The following DLC1 variants were observed in gnomAD, a reference collection of about 807,000 sequenced individuals.
DLC1 encodes DLC1 Rho GTPase activating protein, also known as rho GTPase-activating protein 7.
A neutral mutation model predicts 140.3 loss-of-function variants in DLC1; 54 were observed. The ratio of observed to expected loss-of-function variants is 0.38; its 90% CI spans 0.31 to 0.48. The LOEUF is 0.48. Among genes scored for constraint, DLC1 ranks in the 20% least tolerant of loss-of-function variants. The pLI is 0.96. For synonymous variants in DLC1, 986 were observed against 728.1 expected, an observed-to-expected ratio of 1.35 and a Z score of -5.70; for missense variants, 2,536 against 1,907.0, an observed-to-expected ratio of 1.33 and a Z score of -6.14.
chr8:13,443,875 A>C (rs1292931976), intron 2 of DLC1, among the ~76,000 whole-genome samples: 2 of 152,038 alleles, frequency 1.3e-5, no homozygotes, highest in South Asian at 4.1e-4. Context: ...CAAACGTCAC[A>C]TGTTTGGCGT....
chr8:13,086,963 G>C (rs569615220), intron 16 of DLC1, among the ~76,000 whole-genome samples: 1 of 152,154 alleles, frequency 6.6e-6, no homozygotes, highest in African/African-American at 2.4e-5. Flanking sequence ...TCATGCCACT[G>C]TACTCAAACT....
chr8:13,275,579 A>G (rs1831128564), intron 5 of DLC1, among the ~76,000 whole-genome samples: 1 of 150,480 alleles, frequency 6.6e-6, no homozygotes, highest in Non-Finnish European at 1.5e-5. Flanking sequence ...TCCCAACGCA[A>G]AAATCGGACA....
At chr8:13,362,522 G>A (rs1835278249) in intron 4 of DLC1, among the ~76,000 whole-genome samples, 1 of 152,030 alleles carries the variant, frequency 6.6e-6, no homozygotes, top group Non-Finnish European at 1.5e-5. Flanking sequence ...GCCTTCATTA[G>A]CTCACATCCC....
chr8:13,384,833 G>C (rs1397206607), intron 4 of DLC1, among the ~76,000 whole-genome samples: 1 of 152,098 alleles, frequency 6.6e-6, no homozygotes. Flanking sequence ...AGAAATGAAT[G>C]CAATGCCTTA....
intron 5 of DLC1, among the ~76,000 whole-genome samples, chr8:13,292,443 G>A (rs751237929): frequency 3.3e-5 from 5 of 152,222 alleles, no homozygotes; most frequent in East Asian, 1.9e-4. Context: ...TTTGGTGTTC[G>A]AAAATATTAC....
chr8:13,188,662 T>C (rs1489591412), intron 5 of DLC1, among the ~76,000 whole-genome samples: 1 of 140,664 alleles, frequency 7.1e-6, no homozygotes, highest in East Asian at 2.1e-4. Context: ...TGAAGTGCAG[T>C]GGTGTGATCT....
chr8:13,429,463 G>C (rs1447423378), intron 2 of DLC1, among the ~76,000 whole-genome samples: 2 of 152,160 alleles, frequency 1.3e-5, no homozygotes, highest in Non-Finnish European at 2.9e-5. Context: ...AAAACTTTTT[G>C]TAGTGATTTG....
chr8:13,365,684 C>G (rs573962455), intron 4 of DLC1, among the ~76,000 whole-genome samples: 1 of 152,226 alleles, frequency 6.6e-6, no homozygotes, highest in East Asian at 1.9e-4. Context: ...TGTGTCATTT[C>G]CACTGCATAT....
At chr8:13,103,839 CAAAAAA>C (rs1002564334) in intron 7 of DLC1, among the ~76,000 whole-genome samples, 2 of 60,808 alleles carry the variant, frequency 3.3e-5, no homozygotes, top group African/African-American at 1.0e-4. Context: ...GACTCCATCT[CAAAAAA>C]AAAAAAAAAA....
At chr8:13,560,832 C>T (rs186252503) in intron 1 of DLC1, among the ~76,000 whole-genome samples, 26 of 152,128 alleles carry the variant, frequency 1.7e-4, no homozygotes, top group African/African-American at 3.6e-4. Context: ...ATCATGAGAA[C>T]GTGAAGACAG....
intron 1 of DLC1, among the ~76,000 whole-genome samples, chr8:13,524,197 G>A (rs777530568): frequency 6.7e-5 from 10 of 150,048 alleles, no homozygotes; most frequent in African/African-American, 2.4e-5. Flanking sequence ...GAGTGCAGTG[G>A]CGCTATCTGG....
chr8:13,111,695 T>C (rs1317919073), intron 6 of DLC1, among the ~76,000 whole-genome samples: 1 of 152,038 alleles, frequency 6.6e-6, no homozygotes, highest in Non-Finnish European at 1.5e-5. Flanking sequence ...TATCACCCTC[T>C]TGGAGTCCCA....
At chr8:13,386,469 A>G (rs1241849461) in intron 4 of DLC1, among the ~76,000 whole-genome samples, 1 of 152,224 alleles carries the variant, frequency 6.6e-6, no homozygotes, top group South Asian at 2.1e-4. Context: ...CTAAGATTCA[A>G]AGTGGAAAGA....
At chr8:13,146,468 A>G (rs1823447949) in intron 5 of DLC1, among the ~76,000 whole-genome samples, 1 of 151,968 alleles carries the variant, frequency 6.6e-6, no homozygotes, top group Admixed American at 6.6e-5. Context: ...CTAAATTTGT[A>G]AGTTATTAGA....
rs1227455656 is a variant in DLC1 at position 13,118,089 on chromosome 8, A to G, written c.1349-2432T>C. ...CAGTGTTATGATCCTAGCTCACTGC[A>G]GCATCGACCTTCCGGGCTCAAATGA... On this transcript the variant is annotated intron_variant, in intron 5 of 17. Coordinates refer to ENST00000276297, the MANE Select transcript of DLC1 (RefSeq NM_182643.3). Among the ~76,000 whole-genome samples, 7 of 147,908 alleles carry G rather than the reference A, an allele frequency of 4.7e-5. No homozygotes were observed. The East Asian group carries it at 9.9e-4, about 21-fold the overall frequency.
chr8:13,473,069 T>A (rs1017884167), intron 2 of DLC1, among the ~76,000 whole-genome samples: 2 of 152,238 alleles, frequency 1.3e-5, no homozygotes, highest in Non-Finnish European at 2.9e-5. Flanking sequence ...TTTGTGGTGC[T>A]GACTATTATT....
At position 13,252,788 on chromosome 8, in the gene DLC1, G is replaced by A. The variant is rs1830068546; in HGVS notation, c.1348+52481C>T. The stretch of plus-strand genomic sequence containing the variant: ...GCTCCAAAGAACTGTTCCATTACAC[G>A]TGCCCTCTTAAGGTCTCTGACCAAA... On this transcript the variant is annotated intron_variant, in intron 5 of 17. Transcript: ENST00000276297. Among the ~76,000 whole-genome samples, 8 of 152,222 alleles carry A rather than the reference G, an allele frequency of 5.3e-5. No individual in the cohort carries two copies. The South Asian group carries it at 1.2e-3, about 24-fold the overall frequency.
intron 1 of DLC1, among the ~76,000 whole-genome samples, chr8:13,573,146 G>A (rs575253673): frequency 1.3e-5 from 2 of 152,208 alleles, no homozygotes; most frequent in Admixed American, 6.5e-5. Flanking sequence ...TTTTGTCAGT[G>A]TTTTGTGATC....
intron 5 of DLC1, among the ~76,000 whole-genome samples, chr8:13,229,153 T>C (rs920948593): frequency 8.5e-5 from 13 of 152,128 alleles, no homozygotes; most frequent in Admixed American, 1.3e-4. Context: ...GCTTTCTTCA[T>C]AATAACCAAA....
Sources: allele counts gnomAD v4.1 joint callset (sites outside exome capture counted in the v4.1 genomes callset), GRCh38; gene constraint gnomAD v4.1.1; transcripts MANE v1.5; gene names NCBI Gene and HGNC (gene_info 2026-07-23, HGNC 2026-07-21).